Variants in PNKD observed in about 807,000 individuals in gnomAD.
The protein encoded by PNKD is PNKD metallo-beta-lactamase domain containing, also known as probable thioesterase PNKD.
A neutral mutation model predicts 45.3 loss-of-function variants in PNKD; 36 were observed. The observed-to-expected ratio is 0.80, with a 90% CI of 0.61 to 1.05. PNKD has a LOEUF of 1.05. Among genes scored for constraint, PNKD ranks in the 50% least tolerant of loss-of-function variants. The probability of loss-of-function intolerance (pLI) is 0.00; values close to 1 mark genes in which losing one functional copy is unlikely to be tolerated. For synonymous variants in PNKD, 197 were observed against 210.1 expected (o/e 0.94, Z 0.54); for missense variants, 511 against 506.6 (o/e 1.01, Z -0.08).
At chr2:218,273,692 T>C (rs370093421) in intron 2 of PNKD, among the ~76,000 whole-genome samples, 1 of 151,440 alleles carries the variant, frequency 6.6e-6, no homozygotes, top group Non-Finnish European at 1.5e-5. Context: ...GGTTTCACCA[T>C]GTTTGGTCTG....
chr2:218,275,682 G>A, intron 2 of PNKD: 1 of 1,567,486 alleles, frequency 6.4e-7, no homozygotes, highest in East Asian at 2.2e-5. Flanking sequence ...GCTCATTTTT[G>A]GTCAGCAGAT....
rs147259983 is a variant in PNKD, at chr2:218,339,811, G to T, written c.265G>T (p.Gly89Trp). ...WYSLYTRTWL[G>W]YLFYRQQLRR... is the part of the protein sequence containing the mutation. ...CAGCCTGTACACCCGCACCTGGCTC[G>T]GGTACCTCTTCTACCGACAGCAGCT... is the stretch of plus-strand genomic sequence containing the variant. Residue 89 changes from glycine to tryptophan, a missense_variant, in exon 3 of 10, where the codon GGG (glycine) becomes TGG (tryptophan). Physicochemically the swap from Gly to Trp is radical, Grantham distance 184. Coordinates refer to ENST00000273077, the MANE Select transcript of PNKD (RefSeq NM_015488.5). 2 of 1,613,754 alleles carry T rather than the reference G, an allele frequency of 1.2e-6. No homozygotes were observed. The highest frequency in any genetic ancestry group is 1.3e-5 in the African/African-American group (1 of 74,954).
intron 2 of PNKD, among the ~76,000 whole-genome samples, chr2:218,308,377 C>T (rs1228782740): frequency 3.3e-5 from 5 of 151,510 alleles, no homozygotes; most frequent in Non-Finnish European, 5.9e-5. Flanking sequence ...TTAGTAGAGA[C>T]GGGGTTTCAC....
At chr2:218,323,197 C>G (rs1694040575) in intron 2 of PNKD, 10 of 1,386,728 alleles carry the variant, frequency 7.2e-6, no homozygotes, top group Middle Eastern at 2.6e-4. Context: ...AGGTTCCCCG[C>G]GGGGGGCCGG....
intron 2 of PNKD, among the ~76,000 whole-genome samples, chr2:218,301,724 G>T (rs780411337): frequency 5.3e-5 from 8 of 152,118 alleles, no homozygotes; most frequent in Non-Finnish European, 8.8e-5. Flanking sequence ...GAGGGTCAGG[G>T]CTGCAGTGAG....
Position 218,345,419 on chromosome 2 carries a change from T to C in PNKD, c.*438T>C. The C allele has an allele frequency of 5.7e-6, 1 of 175,718 alleles. No individual in the cohort carries two copies. The highest frequency in any genetic ancestry group is 1.2e-5 in the Non-Finnish European group (1 of 81,738). 10.9% of individuals were successfully genotyped at this position (175,718 alleles called of 1,614,324 possible). A position where few individuals can be genotyped will look rare whatever the true frequency, so the allele number is the denominator to read the frequency against. On this transcript the variant is annotated 3_prime_UTR_variant, in exon 10 of 10. Transcript: ENST00000273077. ...ATGGTTGGGAAAGAAGCTCAGCCCC[T>C]CACAGTGGCCTCAAGTGTGATGCCT...
chr2:218,330,382 G>C (rs543264842), intron 2 of PNKD, among the ~76,000 whole-genome samples: 28 of 152,322 alleles, frequency 1.8e-4, no homozygotes, highest in Non-Finnish European at 3.8e-4. Flanking sequence ...GGGCGTCTGG[G>C]GGGGCAGTGG....
intron 2 of PNKD, among the ~76,000 whole-genome samples, chr2:218,291,510 C>T (rs1179126922): frequency 6.6e-6 from 1 of 152,174 alleles, no homozygotes; most frequent in African/African-American, 2.4e-5. Context: ...TGGCTCTGAC[C>T]TGCGTTCCCA....
intron 2 of PNKD, among the ~76,000 whole-genome samples, chr2:218,297,227 C>T (rs1481370278): frequency 6.6e-6 from 1 of 152,202 alleles, no homozygotes; most frequent in Non-Finnish European, 1.5e-5. Context: ...ATGGGGGCTC[C>T]TCCCCCTTAA....
intron 2 of PNKD, among the ~76,000 whole-genome samples, chr2:218,315,747 G>A (rs73088135): frequency 0.03 from 4,623 of 152,276 alleles, 219 homozygotes; most frequent in African/African-American, 0.11. Flanking sequence ...GGTGGATTCT[G>A]TGAGGCACGA....
At position 218,342,571 on chromosome 2, in the gene PNKD, A is replaced by G. The variant is rs1262973787; in HGVS notation, c.781+427A>G. ...AGAAATTAGCCGGGCATGGTGGTGC[A>G]TGCCTGTAATCCCAGCTACTAGGGA... On this transcript the variant is annotated intron_variant, in intron 7 of 9. Transcript: ENST00000273077. Among the ~76,000 whole-genome samples, 3 of 151,354 alleles carry G rather than the reference A, an allele frequency of 2.0e-5. No individual in the cohort carries two copies. In the East Asian group the frequency reaches 5.9e-4, roughly 30 times the overall value.
intron 2 of PNKD, among the ~76,000 whole-genome samples, chr2:218,292,824 T>A (rs1403593455): frequency 1.3e-5 from 2 of 152,250 alleles, no homozygotes; most frequent in South Asian, 2.1e-4. Context: ...ATTACATTTC[T>A]GTATGTATTT....
At chr2:218,344,379 T>C in intron 8 of PNKD, 76 bp from the exon 9 acceptor site, 1 of 1,096,604 alleles carries the variant, frequency 9.1e-7, no homozygotes, top group Non-Finnish European at 1.4e-6. Flanking sequence ...AGCCTGGACC[T>C]GGGGCAGGGA....
In PNKD at chr2:218,344,737, G is replaced by A. The variant is rs181662454; in HGVS notation, c.985-71G>A. The A allele has an allele frequency of 5.4e-5, 81 of 1,511,968 alleles. No individual in the cohort carries two copies. The African/African-American group carries it at 6.0e-4, about 11-fold the overall frequency. 93.7% of individuals were successfully genotyped at this position (1,511,968 alleles called of 1,614,324 possible). A position where few individuals can be genotyped will look rare whatever the true frequency, so the allele number is the denominator to read the frequency against. On this transcript the variant is annotated intron_variant, in intron 9 of 9. Transcript: ENST00000273077. ...TGAACTCCAGGATGGGGCAGGGGTC[G>A]GGTCAGGCTTCTCTGTCTTGGGTCC...
At chr2:218,272,784 GCTATTGA>G in intron 2 of PNKD, 1 of 1,613,948 alleles carries the variant, frequency 6.2e-7, no homozygotes, top group Non-Finnish European at 8.5e-7. Context: ...ACCCTCCTAG[GCTATTGA>G]CTGTTAAGTC....
chr2:218,283,641 C>T (rs529186605), intron 2 of PNKD, among the ~76,000 whole-genome samples: 57 of 152,292 alleles, frequency 3.7e-4, no homozygotes, highest in African/African-American at 1.1e-3. Flanking sequence ...GCAAGAGAGA[C>T]CAGCGTCTCT....
chr2:218,274,623 C>T (rs1330243199), intron 2 of PNKD: 2 of 155,552 alleles, frequency 1.3e-5, no homozygotes, highest in Middle Eastern at 5.1e-4. Flanking sequence ...CCTGGCCACA[C>T]GTATGACTCT....
chr2:218,344,479 TG>T lies in PNKD; in HGVS notation c.896del (p.Gly299AlafsTer45). On this transcript the variant is annotated frameshift_variant, in exon 9 of 10. Coordinates refer to ENST00000273077, the MANE Select transcript of PNKD (RefSeq NM_015488.5). LOFTEE classifies it high-confidence loss of function. ...WPGHEYAEEN[L>X]GFAGVVEPEN... is the part of the protein sequence containing the mutation. Reference sequence around the variant, plus strand: ...GGTCATGAGTATGCAGAGGAGAACCTGGGCTTTGCAGGTGTGGTGGAGCCCG... The same window carrying T: ...GGTCATGAGTATGCAGAGGAGAACCTGGCTTTGCAGGTGTGGTGGAGCCCG... 6.3e-7 allele frequency: 1 copy of T among 1,586,114 alleles called. No individual in the cohort carries two copies. Among genetic ancestry groups the T allele is most frequent in the Non-Finnish European group, 8.6e-7 (1 of 1,165,854 alleles).
chr2:218,315,057 T>TCTTTCTTTCTTTCTTCCTTC (rs61429059), intron 2 of PNKD, among the ~76,000 whole-genome samples: 1,037 of 55,536 alleles, frequency 0.019, 85 homozygotes, highest in African/African-American at 0.047. Context: ...TTTCTTTCTT[T>TCTTTCTTTCTTTCTTCCTTC]CTTCCTTCCT....
Sources: gnomAD v4.1 joint callset for allele counts (sites outside exome capture counted in the v4.1 genomes callset) on GRCh38, gnomAD v4.1.1 for gene constraint, MANE v1.5 for transcripts, NCBI Gene and HGNC (gene_info 2026-07-23, HGNC 2026-07-21) for gene names.